PIGL: variants seen among roughly 807,000 people sequenced by gnomAD.
PIGL encodes phosphatidylinositol glycan anchor biosynthesis class L.
In PIGL, 22 loss-of-function variants were observed where a neutral mutation model predicts 31.1. The ratio of observed to expected loss-of-function variants is 0.71; its 90% CI spans 0.51 to 1.01. The LOEUF is 1.01. Among genes scored for constraint, PIGL ranks in the 50% least tolerant of loss-of-function variants. The probability of loss-of-function intolerance (pLI) is 0.00; values close to 1 mark genes in which losing one functional copy is unlikely to be tolerated. For synonymous variants in PIGL, 131 were observed against 117.4 expected (o/e 1.12, Z -0.75); for missense variants, 302 against 315.9 (o/e 0.96, Z 0.33).
chr17:16,261,159 G>C (rs1295045995), intron 2 of PIGL, among the ~76,000 whole-genome samples: 2 of 150,514 alleles, frequency 1.3e-5, no homozygotes, highest in East Asian at 3.9e-4. Flanking sequence ...AAATAGGGCT[G>C]AAACATATCC....
At chr17:16,226,810 T>C (rs937332146) in intron 1 of PIGL, among the ~76,000 whole-genome samples, 2 of 152,162 alleles carry the variant, frequency 1.3e-5, no homozygotes, top group African/African-American at 4.8e-5. Flanking sequence ...GGTCTCCTTA[T>C]CTGTGTCCAA....
At position 16,321,929 on chromosome 17, in the gene PIGL, C is replaced by A. The variant is rs147246167; in HGVS notation, c.661-3871C>A. Among the ~76,000 whole-genome samples the A allele has an allele frequency of 9.0e-3, 1,371 of 151,632 alleles. 61 individuals carry two copies. Among genetic ancestry groups the A allele is most frequent in the Admixed American group, 0.082 (1,243 of 15,196 alleles). ...CGTCCCAAGTAGCTGGGATCACAGG[C>A]ACACGCCACCACGCCTGGCTAATTT... On this transcript the variant is annotated intron_variant, in intron 6 of 6. Coordinates refer to ENST00000225609, the MANE Select transcript of PIGL (RefSeq NM_004278.4).
intron 4 of PIGL, among the ~76,000 whole-genome samples, chr17:16,314,751 A>G (rs188030443): frequency 2.3e-4 from 35 of 152,296 alleles, no homozygotes; most frequent in Non-Finnish European, 3.2e-4. Flanking sequence ...TTCAGGAAAG[A>G]AACATTCCCT....
chr17:16,298,260 G>A (rs1364105433), intron 2 of PIGL, among the ~76,000 whole-genome samples: 1 of 152,148 alleles, frequency 6.6e-6, no homozygotes, highest in Non-Finnish European at 1.5e-5. Flanking sequence ...AGTCCGAAAG[G>A]GGGCCAGTTA....
At chr17:16,262,827 T>C (rs566238431) in intron 2 of PIGL, among the ~76,000 whole-genome samples, 1 of 152,292 alleles carries the variant, frequency 6.6e-6, no homozygotes, top group Non-Finnish European at 1.5e-5. Context: ...TGTTTGTCAC[T>C]GATGAGTGGA....
chr17:16,235,934 T>C (rs756433307), intron 2 of PIGL, among the ~76,000 whole-genome samples: 4 of 152,058 alleles, frequency 2.6e-5, no homozygotes, highest in Admixed American at 6.6e-5. Context: ...CTCCCTTTAT[T>C]TTAAAGACCC....
chr17:16,269,477 G>A (rs778022692), intron 2 of PIGL, among the ~76,000 whole-genome samples: 5 of 151,792 alleles, frequency 3.3e-5, no homozygotes, highest in Admixed American at 6.6e-5. Flanking sequence ...GTGAAACCCC[G>A]TCTCTACTAA....
intron 2 of PIGL, among the ~76,000 whole-genome samples, chr17:16,249,352 G>A (rs546009406): frequency 1.8e-4 from 28 of 152,232 alleles, no homozygotes; most frequent in South Asian, 1.5e-3. Context: ...GGTGGCGCAC[G>A]CCTGTAGTCC....
chr17:16,286,348 C>G (rs2092937632), intron 2 of PIGL, among the ~76,000 whole-genome samples: 1 of 152,176 alleles, frequency 6.6e-6, no homozygotes, highest in Non-Finnish European at 1.5e-5. Context: ...AGACCTGGGC[C>G]CCTGGGCTTG....
At chr17:16,220,540 G>A (rs1465472630) in intron 1 of PIGL, among the ~76,000 whole-genome samples, 1 of 129,286 alleles carries the variant, frequency 7.7e-6, no homozygotes, top group Non-Finnish European at 1.6e-5. Flanking sequence ...TCAGGCTAGA[G>A]TGCAGTGGTT....
intron 2 of PIGL, among the ~76,000 whole-genome samples, chr17:16,275,959 GT>G (rs1279383360): frequency 2.0e-5 from 3 of 152,116 alleles, no homozygotes; most frequent in African/African-American, 7.2e-5. Context: ...AGGAGGTGGA[GT>G]TTGCAGTGAG....
chr17:16,291,864 CA>C (rs201715351), intron 2 of PIGL, among the ~76,000 whole-genome samples: 11 of 136,950 alleles, frequency 8.0e-5, no homozygotes, highest in East Asian at 2.1e-4. Context: ...GACTCAATCT[CA>C]AAAAAAAAAG....
At chr17:16,279,471 C>T (rs999217234) in intron 2 of PIGL, among the ~76,000 whole-genome samples, 1 of 152,150 alleles carries the variant, frequency 6.6e-6, no homozygotes, top group Non-Finnish European at 1.5e-5. Context: ...CCAATGAGAC[C>T]CACTTAGGAT....
intron 2 of PIGL, among the ~76,000 whole-genome samples, chr17:16,254,750 G>A (rs1284113970): frequency 3.9e-5 from 6 of 151,972 alleles, no homozygotes; most frequent in Middle Eastern, 3.4e-3. Context: ...GACTACAGGC[G>A]CCCACCACCA....
At chr17:16,292,757 G>A (rs780218709) in intron 2 of PIGL, among the ~76,000 whole-genome samples, 6 of 152,188 alleles carry the variant, frequency 3.9e-5, no homozygotes, top group Non-Finnish European at 1.5e-5. Context: ...ATCTGGGACC[G>A]TGTGATGGCT....
At chr17:16,308,792 C>CA (rs568459971) in intron 3 of PIGL, among the ~76,000 whole-genome samples, 8 of 114,444 alleles carry the variant, frequency 7.0e-5, no homozygotes, top group Non-Finnish European at 1.2e-4. Context: ...TGCATCCAGG[C>CA]TTTTTTTTTT....
chr17:16,323,384 C>T (rs2093113818), intron 6 of PIGL, among the ~76,000 whole-genome samples: 1 of 151,778 alleles, frequency 6.6e-6, no homozygotes, highest in Admixed American at 6.6e-5. Context: ...CAGGCAGGTG[C>T]CACCACGCCT....
At chr17:16,246,709 C>T (rs2092749773) in intron 2 of PIGL, among the ~76,000 whole-genome samples, 1 of 45,570 alleles carries the variant, frequency 2.2e-5, no homozygotes, top group Admixed American at 2.3e-4. Context: ...GACGGAGTCT[C>T]GCTCTGTCGC....
At chr17:16,277,592 A>T (rs2092901052) in intron 2 of PIGL, among the ~76,000 whole-genome samples, 1 of 152,284 alleles carries the variant, frequency 6.6e-6, no homozygotes, top group Middle Eastern at 3.4e-3. Context: ...ATTCATGAAC[A>T]TTTCAGCTCT....
Sources: allele counts gnomAD v4.1 joint callset (sites outside exome capture counted in the v4.1 genomes callset), GRCh38; gene constraint gnomAD v4.1.1; transcripts MANE v1.5; gene names NCBI Gene and HGNC (gene_info 2026-07-23, HGNC 2026-07-21).